The following CRACR2A variants were observed in gnomAD, a reference collection of about 807,000 sequenced individuals.
CRACR2A encodes calcium release activated channel regulator 2A.
In CRACR2A, 79 loss-of-function variants were observed where a neutral mutation model predicts 90.5. The ratio of observed to expected loss-of-function variants is 0.87; its 90% confidence interval spans 0.73 to 1.05. The LOEUF is 1.05. Among genes scored for constraint, CRACR2A ranks in the 50% least tolerant of loss-of-function variants. The probability of loss-of-function intolerance (pLI) is 0.00; values close to 1 mark genes in which losing one functional copy is unlikely to be tolerated. For missense variants in CRACR2A, 823 were observed against 897.2 expected, an observed-to-expected ratio of 0.92 and a Z score of 1.06; for synonymous variants, 338 against 356.7, an observed-to-expected ratio of 0.95 and a Z score of 0.59.
At chr12:3,744,345 A>G (rs1483672967) in intron 1 of CRACR2A, among the ~76,000 whole-genome samples, 1 of 152,266 alleles carries the variant, frequency 6.6e-6, no homozygotes, top group African/African-American at 2.4e-5. Context: ...CATGGTTCAC[A>G]TAATACAAAC....
chr12:3,724,932 T>C (rs1946237955), intron 2 of CRACR2A, among the ~76,000 whole-genome samples: 1 of 152,112 alleles, frequency 6.6e-6, no homozygotes. Flanking sequence ...GCAAGCACTA[T>C]TTTCCAAAAT....
At chr12:3,654,113 A>G in intron 10 of CRACR2A, 99 bp downstream of exon 10, 1 of 1,414,578 alleles carries the variant, frequency 7.1e-7, no homozygotes, top group Middle Eastern at 2.5e-4. Flanking sequence ...TCCTCTTTTC[A>G]CAGGCAAGGA....
intron 1 of CRACR2A, among the ~76,000 whole-genome samples, chr12:3,747,741 G>C (rs912694098): frequency 6.6e-6 from 1 of 152,238 alleles, no homozygotes; most frequent in African/African-American, 2.4e-5. Flanking sequence ...AGAAACACGA[G>C]TGCAGGTTCC....
intron 6 of CRACR2A, among the ~76,000 whole-genome samples, chr12:3,674,197 G>C (rs1945302483): frequency 6.6e-6 from 1 of 152,220 alleles, no homozygotes; most frequent in Non-Finnish European, 1.5e-5. Flanking sequence ...CTGCAGGAAG[G>C]GAAGAGAATA....
chr12:3,657,137 G>A (rs1011763827), intron 8 of CRACR2A, among the ~76,000 whole-genome samples: 1 of 152,222 alleles, frequency 6.6e-6, no homozygotes, highest in Non-Finnish European at 1.5e-5. Flanking sequence ...CCCCTGAGCC[G>A]AGCGGGACAC....
chr12:3,637,178 G>A (rs913261951), intron 14 of CRACR2A, among the ~76,000 whole-genome samples: 1 of 152,180 alleles, frequency 6.6e-6, no homozygotes, highest in Non-Finnish European at 1.5e-5. Flanking sequence ...GAGCAGGCAG[G>A]GAATGTCGGG....
intron 4 of CRACR2A, among the ~76,000 whole-genome samples, chr12:3,692,363 G>A (rs1945662466): frequency 6.6e-6 from 1 of 152,080 alleles, no homozygotes; most frequent in African/African-American, 2.4e-5. Flanking sequence ...GTATGAGGTG[G>A]GTTCAGCTGA....
chr12:3,618,280 T>C (rs1188893868), intron 18 of CRACR2A, among the ~76,000 whole-genome samples: 2 of 152,106 alleles, frequency 1.3e-5, no homozygotes, highest in African/African-American at 4.8e-5. Flanking sequence ...ATATACCATA[T>C]ATTATATAAT....
At chr12:3,643,861 TTA>T (rs1491092327) in intron 12 of CRACR2A, among the ~76,000 whole-genome samples, 7 of 41,264 alleles carry the variant, frequency 1.7e-4, no homozygotes, top group East Asian at 2.5e-3. Flanking sequence ...TATATTTATA[TTA>T]TATATATTAT....
chr12:3,667,945 T>C (rs1283214003), intron 7 of CRACR2A, among the ~76,000 whole-genome samples: 5 of 152,226 alleles, frequency 3.3e-5, no homozygotes, highest in African/African-American at 4.8e-5. Context: ...AAATTGCCGA[T>C]TGGATTTTCA....
At position 3,680,316 on chromosome 12, in the gene CRACR2A, C is replaced by A. The variant is rs903052209; in HGVS notation, c.262G>T (p.Glu88Ter). The change falls in exon 5 of 20, where the codon GAA becomes TAA. Residue 88 changes from glutamate to a stop codon, truncating the protein, a stop_gained. Coordinates refer to ENST00000440314, the MANE Select transcript of CRACR2A (RefSeq NM_001144958.2). LOFTEE classifies it high-confidence loss of function. Reference sequence around the variant, plus strand: ...AGGGCATCAAACACATCCTCCAGTTCCTCCAGGCTGAGCGGTAGCTCCTTA... The same window carrying A: ...AGGGCATCAAACACATCCTCCAGTTACTCCAGGCTGAGCGGTAGCTCCTTA... ...LHKELPLSLEELEDVFDALDA... is the reference protein window; with the variant it reads ...LHKELPLSLE 1.2e-6 allele frequency: 2 copies of A among 1,614,200 alleles called. No homozygotes were observed. Among genetic ancestry groups the A allele is most frequent in the Non-Finnish European group, 1.7e-6 (2 of 1,180,020 alleles).
chr12:3,669,383 A>G (rs1194094581), intron 7 of CRACR2A, among the ~76,000 whole-genome samples: 2 of 152,314 alleles, frequency 1.3e-5, no homozygotes, highest in East Asian at 3.9e-4. Context: ...CCCAATGTCT[A>G]CACTATATCC....
intron 17 of CRACR2A, 113 bp from the exon 18 acceptor site, chr12:3,619,485 A>C: frequency 1.3e-6 from 1 of 795,750 alleles, no homozygotes; most frequent in Non-Finnish European, 2.1e-6. Context: ...CCCTGCTGCC[A>C]TAAAAGGTGA....
chr12:3,729,521 A>G (rs241967), intron 2 of CRACR2A: 37,045 of 152,050 alleles, frequency 0.24, 4,647 homozygotes, highest in South Asian at 0.29. Flanking sequence ...TGGCCAATAT[A>G]GTGAAACCCC....
Position 3,618,542 on chromosome 12 carries a change from T to C in CRACR2A, c.2034+729A>G, listed in dbSNP as rs143290260. On this transcript the variant is annotated intron_variant, in intron 18 of 19. Coordinates refer to ENST00000440314, the MANE Select transcript of CRACR2A (RefSeq NM_001144958.2). The stretch of plus-strand genomic sequence containing the variant: ...TACCTGCCAGGCCCTTCCTCCTCCT[T>C]TTTCCTTGAGTCTTACCATCTGTGC... 3.3e-3 allele frequency among the ~76,000 whole-genome samples: 500 copies of C among 152,294 alleles called. 3 individuals carry two copies. The highest frequency in any genetic ancestry group is 0.011 in the African/African-American group (470 of 41,558).
chr12:3,734,635 G>GTT (rs1946419615), intron 1 of CRACR2A, among the ~76,000 whole-genome samples: 2 of 151,186 alleles, frequency 1.3e-5, no homozygotes, highest in Admixed American at 6.6e-5. Flanking sequence ...GTGTATGTGT[G>GTT]TGTGTGTGTG....
chr12:3,696,849 T>C lies in CRACR2A; in HGVS notation c.151A>G (p.Met51Val). Residue 51 changes from methionine to valine, a missense_variant, in exon 4 of 20, where the codon ATG becomes GTG. Physicochemically the swap from Met to Val is conservative, Grantham distance 21. Coordinates refer to ENST00000440314, the MANE Select transcript of CRACR2A (RefSeq NM_001144958.2). ...TQEQTSGQLV[M>V]LRKAQEFFQT... ...AAGAACTCCTGTGCCTTCCTCAGCA[T>C]GACTAGCTGGCCCGACGTTTGCTCC... 1 of 1,614,230 alleles carries C rather than the reference T, an allele frequency of 6.2e-7. No homozygotes were observed. Among genetic ancestry groups the C allele is most frequent in the Non-Finnish European group, 8.5e-7 (1 of 1,180,032 alleles).
At chr12:3,677,121 C>T (rs1040898578) in intron 6 of CRACR2A, among the ~76,000 whole-genome samples, 1 of 152,032 alleles carries the variant, frequency 6.6e-6, no homozygotes, top group African/African-American at 2.4e-5. Context: ...GCCACCCCTC[C>T]TGGGAGGATA....
At chr12:3,735,077 A>AT (rs1213849572) in intron 1 of CRACR2A, among the ~76,000 whole-genome samples, 336 of 134,212 alleles carry the variant, frequency 2.5e-3, no homozygotes, top group Admixed American at 4.1e-3. Context: ...CTAACTTTAT[A>AT]AAAAAAATTT....
Sources: allele counts gnomAD v4.1 joint callset (sites outside exome capture counted in the v4.1 genomes callset), GRCh38; gene constraint gnomAD v4.1.1; transcripts MANE v1.5; gene names NCBI Gene and HGNC (gene_info 2026-07-23, HGNC 2026-07-21).